The following GRID1 variants were observed in gnomAD, a reference collection of about 807,000 sequenced individuals.
The protein encoded by GRID1 is glutamate ionotropic receptor delta type subunit 1, also known as glutamate receptor ionotropic, delta-1.
GRID1 carries 28 observed loss-of-function variants against 98.0 expected under a neutral mutation model. The ratio of observed to expected loss-of-function variants is 0.29; its 90% confidence interval spans 0.21 to 0.39. The LOEUF is 0.39. GRID1 is among the 10% of genes least tolerant of loss of function. The probability of loss-of-function intolerance (pLI) is 1.00; values close to 1 mark genes in which losing one functional copy is unlikely to be tolerated. For synonymous variants in GRID1, 553 were observed against 538.5 expected (o/e 1.03, Z -0.37); for missense variants, 1,111 against 1,340.5 (o/e 0.83, Z 2.67).
In GRID1 at chr10:85,865,519, T is replaced by TG. The variant is rs1161479307; in HGVS notation, c.951+3490dup. On this transcript the variant is annotated intron_variant, in intron 6 of 15. Coordinates refer to ENST00000327946, the MANE Select transcript of GRID1 (RefSeq NM_017551.3). ...GATCTTCCCAAGAGCAGCCATTTGG[T>TG]GGGGGGGAAGAAAGATGGACTGGAG... Among the ~76,000 whole-genome samples the TG allele has an allele frequency of 7.2e-5, 11 of 152,070 alleles. No homozygotes were observed. In the South Asian group the frequency reaches 1.5e-3, roughly 20 times the overall value.
intron 3 of GRID1, among the ~76,000 whole-genome samples, chr10:86,141,891 C>T (rs1308676112): frequency 6.6e-6 from 1 of 152,236 alleles, no homozygotes; most frequent in Non-Finnish European, 1.5e-5. Flanking sequence ...TGCCTTCAGG[C>T]CCCTGGCAAA....
At chr10:86,262,557 A>G (rs941095049) in intron 2 of GRID1, among the ~76,000 whole-genome samples, 2 of 152,082 alleles carry the variant, frequency 1.3e-5, no homozygotes, top group African/African-American at 4.8e-5. Flanking sequence ...CTTCTGGAGG[A>G]AGGGAACGTG....
chr10:86,015,680 T>C (rs1471367767), intron 4 of GRID1, among the ~76,000 whole-genome samples: 2 of 152,200 alleles, frequency 1.3e-5, no homozygotes, highest in African/African-American at 4.8e-5. Context: ...CTCCCTTGGT[T>C]GCTGCTCATT....
At chr10:85,618,256 T>C (rs1320139263) in intron 14 of GRID1, among the ~76,000 whole-genome samples, 2 of 152,144 alleles carry the variant, frequency 1.3e-5, no homozygotes, top group Non-Finnish European at 2.9e-5. Context: ...TGTGCTTCCA[T>C]GAGCGCTGCC....
intron 4 of GRID1, among the ~76,000 whole-genome samples, chr10:86,089,771 A>T (rs977706584): frequency 6.6e-5 from 10 of 151,462 alleles, no homozygotes; most frequent in African/African-American, 2.2e-4. Flanking sequence ...TTTGAGACGG[A>T]GTCTCATTCT....
chr10:86,219,325 G>A (rs1349925518), intron 2 of GRID1, among the ~76,000 whole-genome samples: 2 of 152,248 alleles, frequency 1.3e-5, no homozygotes, highest in African/African-American at 4.8e-5. Flanking sequence ...CCAGGGGACT[G>A]TGCCCACCCT....
chr10:85,895,184 C>G (rs1004941612), intron 5 of GRID1, among the ~76,000 whole-genome samples: 17 of 151,684 alleles, frequency 1.1e-4, no homozygotes, highest in Non-Finnish European at 2.4e-4. Flanking sequence ...GTTAGCCCCA[C>G]CTTTGAAACT....
At chr10:85,827,027 A>T (rs746428442) in intron 8 of GRID1, among the ~76,000 whole-genome samples, 9 of 152,230 alleles carry the variant, frequency 5.9e-5, no homozygotes, top group Non-Finnish European at 8.8e-5. Context: ...CACAGTTGAG[A>T]AAGAACCAGT....
intron 4 of GRID1, among the ~76,000 whole-genome samples, chr10:86,131,916 G>A (rs184730263): frequency 7.2e-5 from 11 of 152,178 alleles, no homozygotes; most frequent in Non-Finnish European, 1.2e-4. Flanking sequence ...CATGGCCCCT[G>A]AAAATGTGAT....
chr10:86,019,327 T>C (rs1004678859), intron 4 of GRID1, among the ~76,000 whole-genome samples: 8 of 152,194 alleles, frequency 5.3e-5, no homozygotes, highest in African/African-American at 1.7e-4. Context: ...GCCCCCTTGG[T>C]ATGGTGGTGC....
intron 8 of GRID1, among the ~76,000 whole-genome samples, chr10:85,853,376 G>T (rs551224872): frequency 6.6e-6 from 1 of 152,190 alleles, no homozygotes; most frequent in Non-Finnish European, 1.5e-5. Context: ...TATTACTTGC[G>T]AGGACTGTCC....
At chr10:85,917,117 T>G (rs550353597) in intron 4 of GRID1, among the ~76,000 whole-genome samples, 1 of 152,288 alleles carries the variant, frequency 6.6e-6, no homozygotes, top group South Asian at 2.1e-4. Context: ...GCCAACAGAT[T>G]GGAAGAATTG....
At chr10:85,812,607 T>C (rs1343583686) in intron 8 of GRID1, among the ~76,000 whole-genome samples, 3 of 152,194 alleles carry the variant, frequency 2.0e-5, no homozygotes, top group Non-Finnish European at 4.4e-5. Flanking sequence ...GCCCAGCCCT[T>C]CTGCTAGTTG....
chr10:85,803,459 G>T (rs1240912869), intron 8 of GRID1, among the ~76,000 whole-genome samples: 1 of 151,952 alleles, frequency 6.6e-6, no homozygotes, highest in Admixed American at 6.6e-5. Context: ...AACAACTTCA[G>T]TGCAAATGAA....
intron 2 of GRID1, among the ~76,000 whole-genome samples, chr10:86,288,814 A>G (rs1027635641): frequency 6.6e-6 from 1 of 152,236 alleles, no homozygotes; most frequent in South Asian, 2.1e-4. Context: ...CCGACTGGCT[A>G]TGCCAGCCTC....
chr10:85,755,570 T>C (rs1017556989), intron 8 of GRID1, among the ~76,000 whole-genome samples: 1 of 152,138 alleles, frequency 6.6e-6, no homozygotes, highest in Non-Finnish European at 1.5e-5. Flanking sequence ...TTCTGAAAGG[T>C]AAGAGCATCA....
intron 4 of GRID1, among the ~76,000 whole-genome samples, chr10:86,004,959 A>T (rs1842843574): frequency 6.6e-6 from 1 of 152,154 alleles, no homozygotes; most frequent in Non-Finnish European, 1.5e-5. Flanking sequence ...CATTGATTCC[A>T]TTTTATAAGG....
chr10:85,759,137 T>A (rs1842124720), intron 8 of GRID1, among the ~76,000 whole-genome samples: 2 of 152,200 alleles, frequency 1.3e-5, no homozygotes, highest in African/African-American at 4.8e-5. Context: ...TGGTCATGAA[T>A]CAAGTCCCTG....
chr10:85,881,765 T>C lies in GRID1; in HGVS notation c.781-12585A>G, dbSNP rs1044941470. ...AAAGCAATGGCAACAAAAGCCAAAA[T>C]TGACAAATGGGATCTAATTAAACTA... is the stretch of plus-strand genomic sequence containing the variant. On this transcript the variant is annotated intron_variant, in intron 5 of 15. Transcript: ENST00000327946. 2.6e-5 allele frequency among the ~76,000 whole-genome samples: 4 copies of C among 152,068 alleles called. 1 individual carries two copies. The highest frequency in any genetic ancestry group is 1.3e-4 in the Admixed American group (2 of 15,272).
Sources: gnomAD v4.1 joint callset for allele counts (sites outside exome capture counted in the v4.1 genomes callset) on GRCh38, gnomAD v4.1.1 for gene constraint, MANE v1.5 for transcripts, NCBI Gene and HGNC (gene_info 2026-07-23, HGNC 2026-07-21) for gene names.